CDH12: variants seen among roughly 807,000 people sequenced by gnomAD.
CDH12 encodes cadherin-12.
Under a neutral mutation model 74.1 loss-of-function variants are expected in CDH12, and 41 were observed. That is an observed-to-expected ratio of 0.55 (90% CI 0.43 to 0.72). The LOEUF is 0.72. CDH12 is among the 30% of genes least tolerant of loss of function. The pLI is 0.00. For missense variants in CDH12, 945 were observed against 977.2 expected (o/e 0.97, Z 0.44); for synonymous variants, 399 against 355.0 (o/e 1.12, Z -1.39).
chr5:22,762,459 T>C (rs1746277482), intron 1 of CDH12, among the ~76,000 whole-genome samples: 1 of 152,116 alleles, frequency 6.6e-6, no homozygotes. Context: ...TAGCATTATT[T>C]ATTAAAATAA....
At chr5:21,934,879 C>T (rs1230369388) in intron 6 of CDH12, among the ~76,000 whole-genome samples, 1 of 152,098 alleles carries the variant, frequency 6.6e-6, no homozygotes, top group Non-Finnish European at 1.5e-5. Context: ...CTCCGCCTCC[C>T]TAGTTCATGC....
intron 1 of CDH12, among the ~76,000 whole-genome samples, chr5:22,797,300 A>C (rs1156927573): frequency 1.3e-5 from 2 of 151,926 alleles, no homozygotes; most frequent in Non-Finnish European, 2.9e-5. Context: ...ATCAGACACC[A>C]GAGCTGACAG....
intron 1 of CDH12, among the ~76,000 whole-genome samples, chr5:22,629,558 C>T (rs761079129): frequency 3.3e-5 from 5 of 152,052 alleles, no homozygotes; most frequent in Admixed American, 6.6e-5. Flanking sequence ...TAAGATTCGA[C>T]ATACCTTCAT....
chr5:22,841,279 T>C (rs905816698), intron 1 of CDH12, among the ~76,000 whole-genome samples: 2 of 152,100 alleles, frequency 1.3e-5, no homozygotes, highest in African/African-American at 2.4e-5. Flanking sequence ...AAATTAGATA[T>C]GCAATGTGAG....
chr5:22,673,784 T>C (rs1741024230), intron 1 of CDH12, among the ~76,000 whole-genome samples: 1 of 152,168 alleles, frequency 6.6e-6, no homozygotes. Context: ...TAAAGATTAA[T>C]GGTAATAAGG....
At chr5:22,554,501 AAAG>A (rs375084119) in intron 1 of CDH12, among the ~76,000 whole-genome samples, 77 of 152,232 alleles carry the variant, frequency 5.1e-4, no homozygotes, top group African/African-American at 1.7e-3. Context: ...ATAACACAAA[AAAG>A]AGAATATGAC....
intron 3 of CDH12, among the ~76,000 whole-genome samples, chr5:22,272,845 A>T (rs1159867338): frequency 6.6e-6 from 1 of 152,160 alleles, no homozygotes; most frequent in Admixed American, 6.6e-5. Flanking sequence ...TGGGTAATTT[A>T]CAAAGGAAAG....
chr5:22,601,931 TACA>T (rs1415798432), intron 1 of CDH12, among the ~76,000 whole-genome samples: 1 of 152,100 alleles, frequency 6.6e-6, no homozygotes, highest in Admixed American at 6.5e-5. Context: ...ATGGCAATCA[TACA>T]ACAATTGGAT....
chr5:22,341,298 A>T (rs1027571230), intron 3 of CDH12, among the ~76,000 whole-genome samples: 1 of 152,192 alleles, frequency 6.6e-6, no homozygotes, highest in African/African-American at 2.4e-5. Flanking sequence ...AGCCTGGGCA[A>T]CACAGTGATA....
chr5:21,756,119 A>T (rs1181693760), intron 13 of CDH12, among the ~76,000 whole-genome samples: 3 of 152,120 alleles, frequency 2.0e-5, no homozygotes, highest in Admixed American at 6.6e-5. Context: ...AAATTGATCA[A>T]TTTTTTTATG....
intron 6 of CDH12, among the ~76,000 whole-genome samples, chr5:21,901,889 G>T (rs1167994435): frequency 6.7e-6 from 1 of 149,082 alleles, no homozygotes; most frequent in African/African-American, 2.4e-5. Context: ...TATATAATTT[G>T]CTGTGTTATA....
chr5:22,071,697 C>G (rs1741951793), intron 5 of CDH12, among the ~76,000 whole-genome samples: 1 of 152,024 alleles, frequency 6.6e-6, no homozygotes, highest in South Asian at 2.1e-4. Context: ...TCCAATTACT[C>G]TCTTTGAACA....
chr5:21,871,975 A>G lies in CDH12; in HGVS notation c.527-17185T>C, dbSNP rs1300688476. Among the ~76,000 whole-genome samples the G allele has an allele frequency of 2.6e-5, 4 of 152,184 alleles. No homozygotes were observed. The East Asian group carries it at 7.7e-4, about 29-fold the overall frequency. ...GATAATAATGATATTGGATCACTTT[A>G]TTAGAGACCCAAGGGAAAAGAATTA... On this transcript the variant is annotated intron_variant, in intron 6 of 14. Transcript: ENST00000382254.
intron 1 of CDH12, among the ~76,000 whole-genome samples, chr5:22,610,208 G>A (rs1737325974): frequency 6.6e-6 from 1 of 152,122 alleles, no homozygotes; most frequent in African/African-American, 2.4e-5. Context: ...AACTTGAAAA[G>A]TATGCAAAAA....
intron 4 of CDH12, among the ~76,000 whole-genome samples, chr5:22,204,924 A>G (rs1162381682): frequency 1.3e-5 from 2 of 152,188 alleles, no homozygotes; most frequent in Non-Finnish European, 2.9e-5. Flanking sequence ...GACCACAAGC[A>G]TTGTGACTAC....
At chr5:22,781,244 GT>G (rs1561026373) in intron 1 of CDH12, among the ~76,000 whole-genome samples, 3 of 152,066 alleles carry the variant, frequency 2.0e-5, no homozygotes, top group Non-Finnish European at 4.4e-5. Context: ...GCTCCTAACC[GT>G]GGCAAGAAGC....
intron 5 of CDH12, among the ~76,000 whole-genome samples, chr5:21,985,435 A>G (rs1193905248): frequency 6.6e-6 from 1 of 152,108 alleles, no homozygotes; most frequent in Non-Finnish European, 1.5e-5. Context: ...CTTGTACAGG[A>G]TACTCTCAGT....
At chr5:22,623,953 G>C (rs1738128542) in intron 1 of CDH12, among the ~76,000 whole-genome samples, 1 of 152,144 alleles carries the variant, frequency 6.6e-6, no homozygotes, top group Admixed American at 6.6e-5. Context: ...CATGGTACTG[G>C]TACCAAAACA....
chr5:22,310,475 A>AAAAAT (rs1738340784), intron 3 of CDH12, among the ~76,000 whole-genome samples: 1 of 150,858 alleles, frequency 6.6e-6, no homozygotes, highest in Non-Finnish European at 1.5e-5. Context: ...AAAAAAAAAA[A>AAAAAT]TGGCAATGGC....
Sources: allele counts gnomAD v4.1 joint callset (sites outside exome capture counted in the v4.1 genomes callset), GRCh38; gene constraint gnomAD v4.1.1; transcripts MANE v1.5; gene names NCBI Gene and HGNC (gene_info 2026-07-23, HGNC 2026-07-21).